The following LRP1B variants were observed in gnomAD, a reference collection of about 807,000 sequenced individuals.
LRP1B encodes LDL receptor related protein 1B.
LRP1B carries 217 observed loss-of-function variants against 556.6 expected under a neutral mutation model. That is an observed-to-expected ratio of 0.39 (90% CI 0.35 to 0.44). The LOEUF is 0.44. LRP1B is among the 20% of genes least tolerant of loss of function. The pLI, the probability that LRP1B is intolerant of heterozygous loss-of-function variation, is 1.00. For missense variants in LRP1B, 5,053 were observed against 5,620.8 expected, an observed-to-expected ratio of 0.90 and a Z score of 3.23; for synonymous variants, 2,047 against 1,865.8, an observed-to-expected ratio of 1.10 and a Z score of -2.50.
intron 1 of LRP1B, among the ~76,000 whole-genome samples, chr2:141,899,926 C>T (rs1341966774): frequency 2.0e-5 from 3 of 151,962 alleles, no homozygotes; most frequent in Admixed American, 6.6e-5. Flanking sequence ...AAGTACTGTA[C>T]TGACTGTGCA....
intron 35 of LRP1B, among the ~76,000 whole-genome samples, chr2:140,731,764 C>CAAAAAA (rs36060787): frequency 1.2e-4 from 7 of 59,388 alleles, no homozygotes; most frequent in African/African-American, 2.4e-4. Context: ...GAGACTCCGT[C>CAAAAAA]AAAAAAAAAA....
chr2:141,607,588 A>G (rs57694809), intron 2 of LRP1B, among the ~76,000 whole-genome samples: 3,980 of 152,200 alleles, frequency 0.026, 165 homozygotes, highest in African/African-American at 0.089. Context: ...ATTGCCCCAA[A>G]GTTGCAGTTA....
At chr2:141,906,020 G>A (rs1699750381) in intron 1 of LRP1B, among the ~76,000 whole-genome samples, 1 of 150,082 alleles carries the variant, frequency 6.7e-6, no homozygotes, top group Admixed American at 6.7e-5. Context: ...GTGTGTGTGT[G>A]TGTGTCTGTG....
chr2:142,075,688 C>T (rs1705471403), intron 1 of LRP1B, among the ~76,000 whole-genome samples: 1 of 152,046 alleles, frequency 6.6e-6, no homozygotes. Context: ...TGTTAAACTC[C>T]TGTGCTCTCA....
chr2:141,890,184 T>C (rs1699239907), intron 1 of LRP1B, among the ~76,000 whole-genome samples: 1 of 151,806 alleles, frequency 6.6e-6, no homozygotes, highest in South Asian at 2.1e-4. Flanking sequence ...ATTCATGGCA[T>C]TTACAGTTTC....
chr2:140,255,687 G>A (rs1681642454), intron 86 of LRP1B, among the ~76,000 whole-genome samples: 1 of 152,110 alleles, frequency 6.6e-6, no homozygotes, highest in African/African-American at 2.4e-5. Context: ...ACATGGAAGA[G>A]GCATAGTTGA....
chr2:141,623,036 G>C (rs1009162257), intron 2 of LRP1B, among the ~76,000 whole-genome samples: 2 of 152,116 alleles, frequency 1.3e-5, no homozygotes, highest in African/African-American at 4.8e-5. Flanking sequence ...ACTTGTCCTT[G>C]AAGACTACGG....
chr2:140,938,799 G>A (rs186749843), intron 20 of LRP1B, among the ~76,000 whole-genome samples: 8 of 132,058 alleles, frequency 6.1e-5, no homozygotes, highest in African/African-American at 2.0e-4. Flanking sequence ...ATTATCAACA[G>A]TGTCTTCTCA....
chr2:141,841,646 G>T (rs1215626091), intron 1 of LRP1B, among the ~76,000 whole-genome samples: 1 of 152,130 alleles, frequency 6.6e-6, no homozygotes, highest in Admixed American at 6.5e-5. Flanking sequence ...TACATGGCAC[G>T]AAGTGAGAGA....
chr2:142,106,334 T>C (rs1706745374), intron 1 of LRP1B, among the ~76,000 whole-genome samples: 1 of 152,210 alleles, frequency 6.6e-6, no homozygotes, highest in South Asian at 2.1e-4. Flanking sequence ...AAGTTTTAAT[T>C]CTGTAAAGTG....
intron 3 of LRP1B, among the ~76,000 whole-genome samples, chr2:141,444,896 G>A (rs1161746928): frequency 6.6e-6 from 1 of 152,102 alleles, no homozygotes; most frequent in Non-Finnish European, 1.5e-5. Context: ...TTCTTTTTCT[G>A]TTGTGTCTCT....
At chr2:140,506,182 A>T (rs1289692254) in intron 53 of LRP1B, among the ~76,000 whole-genome samples, 2 of 152,110 alleles carry the variant, frequency 1.3e-5, no homozygotes, top group Non-Finnish European at 2.9e-5. Flanking sequence ...TACTGTCTTC[A>T]AATTTCAAGT....
intron 22 of LRP1B, among the ~76,000 whole-genome samples, chr2:140,905,691 C>T (rs1422875566): frequency 6.6e-6 from 1 of 152,064 alleles, no homozygotes; most frequent in Non-Finnish European, 1.5e-5. Context: ...CCTTTAACCC[C>T]CTTAGTGCCT....
At chr2:141,083,209 T>A (rs1213515943) in intron 7 of LRP1B, among the ~76,000 whole-genome samples, 2 of 152,176 alleles carry the variant, frequency 1.3e-5, no homozygotes, top group African/African-American at 4.8e-5. Flanking sequence ...ACATTTCCTA[T>A]ATCTAAAAAT....
chr2:140,787,471 G>C (rs562953476), intron 32 of LRP1B, among the ~76,000 whole-genome samples: 2 of 150,234 alleles, frequency 1.3e-5, no homozygotes, highest in South Asian at 4.2e-4. Context: ...TTATGGGTTT[G>C]TGGTCTGTGT....
chr2:142,054,399 G>C (rs945456118), intron 1 of LRP1B, among the ~76,000 whole-genome samples: 1 of 151,918 alleles, frequency 6.6e-6, no homozygotes, highest in African/African-American at 2.4e-5. Flanking sequence ...TTTTTCAATA[G>C]CTCCCTAAAA....
chr2:141,663,391 A>C (rs1690298729), intron 2 of LRP1B, among the ~76,000 whole-genome samples: 2 of 147,686 alleles, frequency 1.4e-5, no homozygotes, highest in Non-Finnish European at 3.0e-5. Context: ...AAAATCAATG[A>C]ATCCAGGAGC....
chr2:140,454,330 T>C (rs892163939), intron 62 of LRP1B, among the ~76,000 whole-genome samples: 2 of 151,986 alleles, frequency 1.3e-5, no homozygotes, highest in East Asian at 1.9e-4. Context: ...TAATATTTTT[T>C]AGTAGAGACG....
intron 2 of LRP1B, among the ~76,000 whole-genome samples, chr2:141,795,242 A>C (rs987525732): frequency 2.6e-5 from 4 of 152,110 alleles, no homozygotes; most frequent in African/African-American, 9.7e-5. Context: ...TAAGTTAAGC[A>C]AGGTGAGTAC....
Sources: allele counts gnomAD v4.1 joint callset (sites outside exome capture counted in the v4.1 genomes callset), GRCh38; gene constraint gnomAD v4.1.1; transcripts MANE v1.5; gene names NCBI Gene and HGNC (gene_info 2026-07-23, HGNC 2026-07-21).